Variants in SHANK1 observed in about 807,000 individuals in gnomAD.
SHANK1 encodes the protein SH3 and multiple ankyrin repeat domains protein 1.
Under a neutral mutation model 165.6 loss-of-function variants are expected in SHANK1, and 35 were observed. That is an observed-to-expected ratio of 0.21 (90% CI 0.16 to 0.28). The LOEUF is 0.28. SHANK1 is among the 10% of genes least tolerant of loss of function. The probability of loss-of-function intolerance (pLI) is 1.00; values close to 1 mark genes in which losing one functional copy is unlikely to be tolerated. For missense variants in SHANK1, 2,681 were observed against 3,036.4 expected, an observed-to-expected ratio of 0.88 and a Z score of 2.75; for synonymous variants, 1,428 against 1,384.8, an observed-to-expected ratio of 1.03 and a Z score of -0.69.
chr19:50,667,330 G>C lies in SHANK1; in HGVS notation c.4630C>G (p.Leu1544Val), dbSNP rs1599839934. ...PRASEENGLP[L>V]LVLPPPAPSV... ...GGGGCGGGAGGCGGCAGGACCAGCA[G>C]GGGCAGCCCGTTCTCTTCGCTGGCC... The change falls in exon 23 of 24, where the codon CTG becomes GTG. Residue 1544 changes from leucine to valine, a missense_variant. Around this residue, in one of 10 missense-constraint regions of SHANK1, gnomAD observed 1,713 missense variants for 1,630.2 expected, o/e 1.05. Transcript: ENST00000293441. The surrounding 1 kb of genome is among the most constrained non-coding windows in gnomAD (Gnocchi z 5.7). 1 of 1,577,138 alleles carries C rather than the reference G, an allele frequency of 6.3e-7. No homozygotes were observed. Among genetic ancestry groups the C allele is most frequent in the Non-Finnish European group, 8.6e-7 (1 of 1,168,004 alleles).
At chr19:50,684,255 C>T (rs544081197) in intron 21 of SHANK1, among the ~76,000 whole-genome samples, 9 of 149,106 alleles carry the variant, frequency 6.0e-5, no homozygotes, top group South Asian at 4.2e-4. Flanking sequence ...GACAGAGTTT[C>T]GCTTTTGTCG....
At chr19:50,708,607 G>A (rs903416005) in intron 8 of SHANK1, among the ~76,000 whole-genome samples, 1 of 152,082 alleles carries the variant, frequency 6.6e-6, no homozygotes, top group Non-Finnish European at 1.5e-5. Context: ...GAAAGGATGA[G>A]GATGGAGGAT....
Position 50,688,081 on chromosome 19 carries a change from TCA to T in SHANK1, c.2173-25_2173-24del, listed in dbSNP as rs751520070. 6.1e-5 allele frequency: 99 copies of T among 1,613,318 alleles called. No homozygotes were observed. The highest frequency in any genetic ancestry group is 7.5e-5 in the Non-Finnish European group (89 of 1,179,870). The stretch of plus-strand genomic sequence containing the variant: ...CACCTGTGGCACAGACACCCCCAGA[TCA>T]CACAGAGTAGACGAGGGGAGGGGTG... On this transcript the variant is annotated intron_variant, in intron 17 of 23. Coordinates refer to ENST00000293441, the MANE Select transcript of SHANK1 (RefSeq NM_016148.5). The surrounding 1 kb of genome is among the most constrained non-coding windows in gnomAD (Gnocchi z 6.7).
intron 9 of SHANK1, 94 bp from the exon 10 acceptor site, chr19:50,704,280 C>G: frequency 7.2e-7 from 1 of 1,398,244 alleles, no homozygotes; most frequent in Non-Finnish European, 1.0e-6. Flanking sequence ...CGACCCAAAC[C>G]TTCCACTCCG....
chr19:50,689,215 C>T lies in SHANK1; in HGVS notation c.2029G>A (p.Val677Met). Residue 677 changes from valine to methionine, a missense_variant, in exon 16 of 24, where the codon GTG becomes ATG. By Grantham distance (21) the Val-to-Met change is conservative. Coordinates refer to ENST00000293441, the MANE Select transcript of SHANK1 (RefSeq NM_016148.5). ...CACTCACCCTTGGCCCCCCGGAGCACGAACCCAAACCCCTCACTGTCCTTC... is the reference window on the plus strand; with the variant it reads ...CACTCACCCTTGGCCCCCCGGAGCATGAACCCAAACCCCTCACTGTCCTTC... The part of the protein sequence containing the change: ...QKKDSEGFGF[V>M]LRGAKAQTPI... 2 of 1,611,860 alleles carry T rather than the reference C, an allele frequency of 1.2e-6. No individual in the cohort carries two copies. The highest frequency in any genetic ancestry group is 1.7e-6 in the Non-Finnish European group (2 of 1,178,690).
chr19:50,660,180 C>T lies in SHANK1; in HGVS notation c.*1785G>A, dbSNP rs1300730457. ...ACCCACAGCAGGGGAGGGGGCTTTTCAGGGGGAGGGGTGGCTTAACATTCC... is the reference window on the plus strand; with the variant it reads ...ACCCACAGCAGGGGAGGGGGCTTTTTAGGGGGAGGGGTGGCTTAACATTCC... On this transcript the variant is annotated 3_prime_UTR_variant, in exon 24 of 24. Coordinates refer to ENST00000293441, the MANE Select transcript of SHANK1 (RefSeq NM_016148.5). 6.8e-6 allele frequency among the ~76,000 whole-genome samples: 1 copy of T among 146,508 alleles called. No individual in the cohort carries two copies. The highest frequency in any genetic ancestry group is 1.5e-5 in the Non-Finnish European group (1 of 65,388).
chr19:50,704,381 A>T, intron 9 of SHANK1, 56 bp downstream of exon 9: 1 of 1,521,616 alleles, frequency 6.6e-7, no homozygotes, highest in East Asian at 2.3e-5. Context: ...ACTGGGTGTC[A>T]CTGTCACCCT....
Position 50,712,055 on chromosome 19 carries a change from C to T in SHANK1, c.852G>A (p.Leu284=), listed in dbSNP as rs1280231655. The stretch of plus-strand genomic sequence containing the variant: ...CACCACCCACCATGGCCGTGTGGAA[C>T]AGAGGGGTCAGCCCCCGACGGTCCT... The part of the protein sequence containing the change: ...NYKDRRGLTP[L]FHTAMVGGDP... The change falls in exon 7 of 24, where the codon CTG becomes CTA. Residue 284 remains leucine (L), a synonymous_variant. Transcript: ENST00000293441. 6.2e-7 allele frequency: 1 copy of T among 1,613,536 alleles called. No homozygotes were observed. Among genetic ancestry groups the T allele is most frequent in the Non-Finnish European group, 8.5e-7 (1 of 1,179,850 alleles).
rs1371835630 is a variant in SHANK1 at position 50,667,400 on chromosome 19, C to T, written c.4560G>A (p.Pro1520=). ...PPSEDGPGVP[P]PSPRRSVPPS... ...GGGGCACGGACCGGCGTGGGCTGGG[C>T]GGCGGGACCCCCGGCCCGTCCTCCG... Residue 1520 remains proline (P), a synonymous_variant, in exon 23 of 24, where the codon CCG becomes CCA. Transcript: ENST00000293441. This position sits in a 1 kb window ranked among gnomAD's most constrained non-coding sequence, Gnocchi z 5.7. 2.6e-6 allele frequency: 4 copies of T among 1,518,922 alleles called. No individual in the cohort carries two copies. The highest frequency in any genetic ancestry group is 3.5e-6 in the Non-Finnish European group (4 of 1,139,586). 94.1% of individuals were successfully genotyped at this position (1,518,922 alleles called of 1,614,324 possible). A position where few individuals can be genotyped will look rare whatever the true frequency, so the allele number is the denominator to read the frequency against.
chr19:50,684,788 G>A (rs938569918), intron 21 of SHANK1, among the ~76,000 whole-genome samples: 3 of 152,178 alleles, frequency 2.0e-5, no homozygotes, highest in African/African-American at 7.2e-5. Flanking sequence ...TCCCAAAATA[G>A]TGTTTATGCG....
intron 15 of SHANK1, among the ~76,000 whole-genome samples, chr19:50,695,382 T>C (rs896212673): frequency 1.2e-4 from 15 of 129,862 alleles, no homozygotes; most frequent in Non-Finnish European, 2.3e-4. Flanking sequence ...CTTGGCGTCC[T>C]GCGCCGGGCG....
chr19:50,675,088 A>T (rs1183931744), intron 21 of SHANK1, among the ~76,000 whole-genome samples: 2 of 146,560 alleles, frequency 1.4e-5, no homozygotes, highest in African/African-American at 5.1e-5. Context: ...AAAAAAAATT[A>T]ACCAGGCATA....
intron 12 of SHANK1, among the ~76,000 whole-genome samples, chr19:50,700,942 G>A (rs1460963198): frequency 6.6e-6 from 1 of 152,016 alleles, no homozygotes; most frequent in Non-Finnish European, 1.5e-5. Context: ...CCTGTGTGCT[G>A]GGTCATTAAA....
rs761631160 is a variant in SHANK1 at position 50,666,318 on chromosome 19, A to T, written c.5642T>A (p.Phe1881Tyr). ...GCCGCCAGCTGCCGAGGAGCCCCCAAACTGCTGAAGCTTGGAGCTGAGTTC... is the reference window on the plus strand; with the variant it reads ...GCCGCCAGCTGCCGAGGAGCCCCCATACTGCTGAAGCTTGGAGCTGAGTTC... ...ISELSSKLQQFGGSSAAGGAL... is the reference protein window; with the variant it reads ...ISELSSKLQQYGGSSAAGGAL... Residue 1881 changes from phenylalanine to tyrosine, a missense_variant, in exon 23 of 24, where the codon TTT (phenylalanine) becomes TAT (tyrosine). Transcript: ENST00000293441. 2.5e-6 allele frequency: 4 copies of T among 1,613,336 alleles called. No individual in the cohort carries two copies. Among genetic ancestry groups the T allele is most frequent in the African/African-American group, 1.3e-5 (1 of 74,886 alleles).
At chr19:50,678,662 G>A (rs1986055790) in intron 21 of SHANK1, among the ~76,000 whole-genome samples, 1 of 145,466 alleles carries the variant, frequency 6.9e-6, no homozygotes, top group East Asian at 2.1e-4. Context: ...TGATGGGGAA[G>A]GGTGAGGGTG....
chr19:50,687,783 C>A, intron 18 of SHANK1, 121 bp from the exon 19 acceptor site: 1 of 1,372,826 alleles, frequency 7.3e-7, no homozygotes, highest in Non-Finnish European at 9.9e-7. Context: ...GCCCTCCCTG[C>A]CTCAGTTTCT....
chr19:50,716,883 G>T lies in SHANK1; in HGVS notation c.37C>A (p.Arg13Ser). 6.8e-7 allele frequency: 1 copy of T among 1,476,504 alleles called. No individual in the cohort carries two copies. The highest frequency in any genetic ancestry group is 1.4e-5 in the South Asian group (1 of 72,036). The allele number at this position is 1,476,504 out of a possible 1,614,324, so 91.5% of individuals were successfully genotyped here. ...HSPATSEDEERHSASECPEGG... is the reference protein window; with the variant it reads ...HSPATSEDEESHSASECPEGG... ...TCGGGACACTCGCTGGCACTGTGGC[G>T]TTCCTCGTCCTCGCTTGTCGCGGGG... Residue 13 changes from arginine (R) to serine (S), a missense_variant, in exon 2 of 24, where the codon CGC becomes AGC. Around this residue, in one of 10 missense-constraint regions of SHANK1, gnomAD observed 118 missense variants for 106.9 expected, o/e 1.10. Coordinates refer to ENST00000293441, the MANE Select transcript of SHANK1 (RefSeq NM_016148.5). The surrounding 1 kb of genome is among the most constrained non-coding windows in gnomAD (Gnocchi z 8.4).
rs1985680340 is a variant in SHANK1 at position 50,668,898 on chromosome 19, G to A, written c.3062C>T (p.Pro1021Leu). Residue 1021 changes from proline (P) to leucine (L), a missense_variant, in exon 23 of 24, where the codon CCT (proline) becomes CTT (leucine). Coordinates refer to ENST00000293441, the MANE Select transcript of SHANK1 (RefSeq NM_016148.5). Reference protein sequence around the residue: ...PQPHHHHAHPPHPPEMETGGS... With the variant: ...PQPHHHHAHPLHPPEMETGGS... ...GCCTGTCTCCATCTCGGGAGGATGA[G>A]GGGGGTGGGCGTGGTGGTGGTGGGG... 7.6e-7 allele frequency: 1 copy of A among 1,314,062 alleles called. No individual in the cohort carries two copies. Among genetic ancestry groups the A allele is most frequent in the Admixed American group, 3.7e-5 (1 of 26,944 alleles). 81.4% of individuals were successfully genotyped at this position (1,314,062 alleles called of 1,614,324 possible). A position where few individuals can be genotyped will look rare whatever the true frequency, so the allele number is the denominator to read the frequency against.
chr19:50,710,762 C>T (rs537389296), intron 8 of SHANK1, among the ~76,000 whole-genome samples: 8 of 152,218 alleles, frequency 5.3e-5, no homozygotes, highest in Non-Finnish European at 8.8e-5. Flanking sequence ...TCAGGGGCCA[C>T]GGGGGCTGCA....
Sources: allele counts gnomAD v4.1 joint callset (sites outside exome capture counted in the v4.1 genomes callset), GRCh38; gene constraint gnomAD v4.1.1; regional missense constraint gnomAD v4.1.1; non-coding constraint Gnocchi (gnomAD v3.1); transcripts MANE v1.5; gene names NCBI Gene and HGNC (gene_info 2026-07-23, HGNC 2026-07-21).